The following AK5 variants were observed in gnomAD, a reference collection of about 807,000 sequenced individuals.
AK5 encodes adenylate kinase isoenzyme 5.
A neutral mutation model predicts 69.5 loss-of-function variants in AK5; 27 were observed. That is an observed-to-expected ratio of 0.39 (90% CI 0.29 to 0.54). The LOEUF is 0.54. Among genes scored for constraint, AK5 ranks in the 20% least tolerant of loss-of-function variants. The pLI, the probability that AK5 is intolerant of heterozygous loss-of-function variation, is 0.71. For missense variants in AK5, 531 were observed against 700.4 expected (o/e 0.76, Z 2.73); for synonymous variants, 260 against 244.4 (o/e 1.06, Z -0.60).
chr1:77,536,718 C>CT (rs1658990997), intron 13 of AK5, among the ~76,000 whole-genome samples: 1 of 152,200 alleles, frequency 6.6e-6, no homozygotes, highest in Admixed American at 6.5e-5. Context: ...AGATTATTCA[C>CT]TAGAGCTAAG....
intron 5 of AK5, among the ~76,000 whole-genome samples, chr1:77,319,023 T>C (rs914079038): frequency 6.6e-6 from 1 of 152,060 alleles, no homozygotes; most frequent in Non-Finnish European, 1.5e-5. Flanking sequence ...CAACAAAAGA[T>C]AGTTCAATAC....
At chr1:77,319,014 A>G (rs1194916802) in intron 5 of AK5, among the ~76,000 whole-genome samples, 1 of 152,186 alleles carries the variant, frequency 6.6e-6, no homozygotes, top group Non-Finnish European at 1.5e-5. Context: ...TGGGACAAAC[A>G]ACAAAAGATA....
At chr1:77,431,775 C>T (rs1651653751) in intron 8 of AK5, among the ~76,000 whole-genome samples, 1 of 151,956 alleles carries the variant, frequency 6.6e-6, no homozygotes, top group African/African-American at 2.4e-5. Context: ...AATATGGGTG[C>T]CATTGTAAAC....
At chr1:77,325,347 G>A (rs1660748623) in intron 5 of AK5, among the ~76,000 whole-genome samples, 1 of 151,972 alleles carries the variant, frequency 6.6e-6, no homozygotes, top group Non-Finnish European at 1.5e-5. Flanking sequence ...ATTTCTGGTA[G>A]TAGTAGAATA....
chr1:77,365,380 A>C (rs1646932595), intron 6 of AK5, among the ~76,000 whole-genome samples: 1 of 152,222 alleles, frequency 6.6e-6, no homozygotes. Context: ...GCACGATCCT[A>C]GCTCAGTGCA....
intron 10 of AK5, among the ~76,000 whole-genome samples, chr1:77,512,536 A>G (rs1215778422): frequency 1.4e-5 from 2 of 145,824 alleles, no homozygotes; most frequent in East Asian, 4.2e-4. Context: ...AATTTCAGAG[A>G]CTTTTTTTTT....
chr1:77,312,554 G>A (rs993169331), intron 5 of AK5, among the ~76,000 whole-genome samples: 1 of 150,360 alleles, frequency 6.7e-6, no homozygotes, highest in African/African-American at 2.5e-5. Flanking sequence ...GGCGGAGGTT[G>A]CAGTGAGGCA....
At chr1:77,406,242 C>T (rs1649623550) in intron 6 of AK5, among the ~76,000 whole-genome samples, 1 of 151,912 alleles carries the variant, frequency 6.6e-6, no homozygotes, top group Non-Finnish European at 1.5e-5. Context: ...GGACATCAAG[C>T]AATGAAGTGG....
intron 8 of AK5, among the ~76,000 whole-genome samples, chr1:77,438,448 T>C (rs970074771): frequency 5.9e-5 from 9 of 152,054 alleles, no homozygotes; most frequent in African/African-American, 1.9e-4. Flanking sequence ...GAGAATCTCG[T>C]TTTGTTTCTT....
chr1:77,421,758 C>T (rs1273938499), intron 8 of AK5, among the ~76,000 whole-genome samples: 6 of 152,174 alleles, frequency 3.9e-5, no homozygotes, highest in African/African-American at 9.7e-5. Context: ...TCTTACTTCT[C>T]GCTTCACTCA....
rs577822130 is a variant in AK5, at chr1:77,287,607, C to T, written c.247+480C>T. ...GTTTATACTAGTGATAAAAGAAAAACTTCAGCCAAGTTAAATCTAAAGGAG... is the reference window on the plus strand; with the variant it reads ...GTTTATACTAGTGATAAAAGAAAAATTTCAGCCAAGTTAAATCTAAAGGAG... On this transcript the variant is annotated intron_variant, in intron 2 of 13. Coordinates refer to ENST00000354567, the MANE Select transcript of AK5 (RefSeq NM_174858.3). Among the ~76,000 whole-genome samples, 4 of 152,302 alleles carry T rather than the reference C, an allele frequency of 2.6e-5. No homozygotes were observed. In the South Asian group the frequency reaches 8.3e-4, roughly 32 times the overall value.
At chr1:77,542,798 T>G (rs968237951) in intron 13 of AK5, among the ~76,000 whole-genome samples, 1 of 152,198 alleles carries the variant, frequency 6.6e-6, no homozygotes, top group Admixed American at 6.5e-5. Flanking sequence ...TTTTCCATTT[T>G]TATATACATT....
At chr1:77,553,598 A>G (rs1659920643) in intron 13 of AK5, among the ~76,000 whole-genome samples, 1 of 152,224 alleles carries the variant, frequency 6.6e-6, no homozygotes, top group Non-Finnish European at 1.5e-5. Context: ...TTGGATCACT[A>G]GGGTGAAGAA....
intron 8 of AK5, among the ~76,000 whole-genome samples, chr1:77,427,303 A>G (rs1391647831): frequency 6.6e-6 from 1 of 152,098 alleles, no homozygotes; most frequent in Non-Finnish European, 1.5e-5. Flanking sequence ...ATTATCAGAA[A>G]TAGAAGATGG....
At chr1:77,524,245 A>C (rs1224248419) in intron 12 of AK5, among the ~76,000 whole-genome samples, 2 of 152,228 alleles carry the variant, frequency 1.3e-5, no homozygotes, top group African/African-American at 2.4e-5. Flanking sequence ...CCATGACTAC[A>C]TGTGTACAAT....
At chr1:77,327,862 T>C (rs1273621022) in intron 5 of AK5, among the ~76,000 whole-genome samples, 1 of 152,206 alleles carries the variant, frequency 6.6e-6, no homozygotes, top group Non-Finnish European at 1.5e-5. Flanking sequence ...CTCTTCCAGA[T>C]GATCTGTTTG....
intron 13 of AK5, among the ~76,000 whole-genome samples, chr1:77,549,232 C>T (rs1284563272): frequency 1.3e-5 from 2 of 152,022 alleles, no homozygotes; most frequent in Non-Finnish European, 2.9e-5. Flanking sequence ...ACATCACTTA[C>T]TGTGGGATTT....
intron 13 of AK5, chr1:77,540,634 G>C (rs1477949725): frequency 6.6e-6 from 1 of 152,180 alleles, no homozygotes; most frequent in African/African-American, 2.4e-5. Flanking sequence ...GGGGGATGGC[G>C]GGGGGAATAT....
At chr1:77,439,625 CT>C (rs1266456821) in intron 8 of AK5, among the ~76,000 whole-genome samples, 1 of 151,984 alleles carries the variant, frequency 6.6e-6, no homozygotes, top group African/African-American at 2.4e-5. Flanking sequence ...TTTTTTAGCC[CT>C]TGCATATGAG....
Sources: allele counts gnomAD v4.1 joint callset (sites outside exome capture counted in the v4.1 genomes callset), GRCh38; gene constraint gnomAD v4.1.1; transcripts MANE v1.5; gene names NCBI Gene and HGNC (gene_info 2026-07-23, HGNC 2026-07-21).